AGAP1: variants seen among roughly 807,000 people sequenced by gnomAD.
AGAP1 encodes the protein arf-GAP with GTPase, ANK repeat and PH domain-containing protein 1.
In AGAP1, 29 loss-of-function variants were observed where a neutral mutation model predicts 105.3. The observed-to-expected ratio is 0.28, with a 90% CI of 0.21 to 0.38. The LOEUF (loss-of-function observed/expected upper bound fraction) is 0.38, where lower values mean the gene tolerates loss of function less well. Among genes scored for constraint, AGAP1 ranks in the 10% least tolerant of loss-of-function variants. AGAP1 has a pLI of 1.00. For synonymous variants in AGAP1, 509 were observed against 485.9 expected (o/e 1.05, Z -0.63); for missense variants, 998 against 1,165.1 (o/e 0.86, Z 2.09).
intron 11 of AGAP1, among the ~76,000 whole-genome samples, chr2:235,924,866 C>G (rs1156459911): frequency 6.6e-6 from 1 of 152,230 alleles, no homozygotes; most frequent in South Asian, 2.1e-4. Flanking sequence ...GACATTACCC[C>G]TGTTGTACCA....
chr2:235,978,024 C>T (rs536002564), intron 13 of AGAP1, among the ~76,000 whole-genome samples: 1 of 152,198 alleles, frequency 6.6e-6, no homozygotes, highest in African/African-American at 2.4e-5. Flanking sequence ...TCATGTGGCC[C>T]TTCTGTGGTG....
In AGAP1 at chr2:236,087,223, G is replaced by T. The variant is rs1576273454; in HGVS notation, c.2115-32969G>T. Among the ~76,000 whole-genome samples the T allele has an allele frequency of 6.6e-6, 1 of 152,126 alleles. No homozygotes were observed. The highest frequency in any genetic ancestry group is 2.4e-5 in the African/African-American group (1 of 41,476). ...AGGCTAATGGAGCTGTGATTGACAGGCCTTCTCATTATGGAGCCCATCAGG... is the reference window on the plus strand; with the variant it reads ...AGGCTAATGGAGCTGTGATTGACAGTCCTTCTCATTATGGAGCCCATCAGG... On this transcript the variant is annotated intron_variant, in intron 16 of 17. Coordinates refer to ENST00000304032, the MANE Select transcript of AGAP1 (RefSeq NM_001037131.3). The surrounding 1 kb of genome is among the most constrained non-coding windows in gnomAD (Gnocchi z 5.7).
rs932146511 is a variant in AGAP1, at chr2:235,753,473, G to A, written c.673+2985G>A. Among the ~76,000 whole-genome samples the A allele has an allele frequency of 2.0e-5, 3 of 152,148 alleles. No individual in the cohort carries two copies. Among genetic ancestry groups the A allele is most frequent in the African/African-American group, 4.8e-5 (2 of 41,426 alleles). ...TAATCCCAACACTTTGGGAGGCTGA[G>A]GAGGGCAGATCACCTGAGGTCCATA... On this transcript the variant is annotated intron_variant, in intron 6 of 17. Transcript: ENST00000304032. This position sits in a 1 kb window ranked among gnomAD's most constrained non-coding sequence, Gnocchi z 4.5.
rs543391738 is a variant in AGAP1, at chr2:235,609,993, A to G, written c.164-99186A>G. 2.0e-5 allele frequency among the ~76,000 whole-genome samples: 3 copies of G among 152,218 alleles called. No homozygotes were observed. The highest frequency in any genetic ancestry group is 4.4e-5 in the Non-Finnish European group (3 of 68,022). ...CTCAGGGACGGTTTGGCACTGGGCA[A>G]CAGCTCCATTTAGCTAGGGTAGGAT... On this transcript the variant is annotated intron_variant, in intron 1 of 17. Transcript: ENST00000304032. The surrounding 1 kb of genome is among the most constrained non-coding windows in gnomAD (Gnocchi z 5.1).
rs779348349 is a variant in AGAP1 at position 235,740,879 on chromosome 2, T to A, written c.311-84T>A. The A allele has an allele frequency of 4.6e-5, 72 of 1,564,580 alleles. No individual in the cohort carries two copies. Among genetic ancestry groups the A allele is most frequent in the Non-Finnish European group, 6.1e-5 (70 of 1,139,228 alleles). On this transcript the variant is annotated intron_variant, in intron 3 of 17. Coordinates refer to ENST00000304032, the MANE Select transcript of AGAP1 (RefSeq NM_001037131.3). The surrounding 1 kb of genome is among the most constrained non-coding windows in gnomAD (Gnocchi z 5.7). The stretch of plus-strand genomic sequence containing the variant: ...TCCAGGGCGACAGCCTAGGGTGTAT[T>A]TTTCCACAAGCGAAGCCCACGTCTG...
intron 16 of AGAP1, among the ~76,000 whole-genome samples, chr2:236,085,704 C>T (rs1031055159): frequency 1.3e-5 from 2 of 152,214 alleles, no homozygotes; most frequent in African/African-American, 2.4e-5. Context: ...AGGCTGAGTC[C>T]CATTGCCCAG....
Position 235,760,038 on chromosome 2 carries a change from G to A in AGAP1, c.673+9550G>A, listed in dbSNP as rs150766288. On this transcript the variant is annotated intron_variant, in intron 6 of 17. Coordinates refer to ENST00000304032, the MANE Select transcript of AGAP1 (RefSeq NM_001037131.3). ...TGTTTTACTGATGAGAGAAGCTTCT[G>A]GCACATCAACTGAGACAAAAATCTT... Among the ~76,000 whole-genome samples, 125 of 152,276 alleles carry A rather than the reference G, an allele frequency of 8.2e-4. 2 individuals carry two copies. In the East Asian group the frequency reaches 0.02, roughly 24 times the overall value.
chr2:235,831,276 A>C (rs1298533854), intron 9 of AGAP1, among the ~76,000 whole-genome samples: 1 of 151,564 alleles, frequency 6.6e-6, no homozygotes, highest in African/African-American at 2.4e-5. Context: ...AGCCTCCGCC[A>C]TTGTCCCCCA....
intron 9 of AGAP1, among the ~76,000 whole-genome samples, chr2:235,851,218 T>C (rs2048435245): frequency 6.6e-6 from 1 of 152,168 alleles, no homozygotes; most frequent in Non-Finnish European, 1.5e-5. Flanking sequence ...GAGGGCCCTG[T>C]CCAGGCTGTC....
intron 13 of AGAP1, among the ~76,000 whole-genome samples, chr2:235,995,223 C>T (rs542514828): frequency 4.0e-5 from 6 of 151,536 alleles, no homozygotes; most frequent in Non-Finnish European, 8.8e-5. Context: ...TAGTGAAAAA[C>T]CAAAGAAAAG....
chr2:235,687,742 T>C (rs1297046325), intron 1 of AGAP1, among the ~76,000 whole-genome samples: 7 of 152,142 alleles, frequency 4.6e-5, no homozygotes, highest in African/African-American at 7.2e-5. Context: ...GCCAGAGATT[T>C]ATTTAAGACA....
rs1952440808 is a variant in AGAP1 at position 235,739,340 on chromosome 2, G to A, written c.311-1623G>A. 6.6e-6 allele frequency among the ~76,000 whole-genome samples: 1 copy of A among 152,210 alleles called. No individual in the cohort carries two copies. Among genetic ancestry groups the A allele is most frequent in the African/African-American group, 2.4e-5 (1 of 41,460 alleles). ...TGATGACAACAGCTCTGCTAGAAAA[G>A]CATTTCTTTTTTGCCTACGAGGACT... On this transcript the variant is annotated intron_variant, in intron 3 of 17. Transcript: ENST00000304032. This position sits in a 1 kb window ranked among gnomAD's most constrained non-coding sequence, Gnocchi z 5.3.
chr2:235,960,970 G>A lies in AGAP1; in HGVS notation c.1484-7492G>A, dbSNP rs894900298. Reference sequence around the variant, plus strand: ...TGTGTGATACACCAGAAAGTGGTCCGTTCCATCCACCCGCGCAAGTGTCTG... The same window carrying A: ...TGTGTGATACACCAGAAAGTGGTCCATTCCATCCACCCGCGCAAGTGTCTG... On this transcript the variant is annotated intron_variant, in intron 12 of 17. Coordinates refer to ENST00000304032, the MANE Select transcript of AGAP1 (RefSeq NM_001037131.3). This position sits in a 1 kb window ranked among gnomAD's most constrained non-coding sequence, Gnocchi z 4.9. Among the ~76,000 whole-genome samples the A allele has an allele frequency of 1.1e-4, 17 of 152,180 alleles. No individual in the cohort carries two copies. The highest frequency in any genetic ancestry group is 2.2e-4 in the Non-Finnish European group (15 of 68,032).
chr2:236,084,397 A>T (rs1431375576), intron 16 of AGAP1, among the ~76,000 whole-genome samples: 1 of 152,148 alleles, frequency 6.6e-6, no homozygotes, highest in Non-Finnish European at 1.5e-5. Context: ...TGACATTCGT[A>T]CTCTACTTTT....
rs565966455 is a variant in AGAP1, at chr2:236,050,943, G to A, written c.2114+1662G>A. ...CACAGGTATTTTGTAGTTCTAATTT[G>A]CATCCTTGAATTAAGTTCTTGAGTG... On this transcript the variant is annotated intron_variant, in intron 16 of 17. Coordinates refer to ENST00000304032, the MANE Select transcript of AGAP1 (RefSeq NM_001037131.3). The surrounding 1 kb of genome is among the most constrained non-coding windows in gnomAD (Gnocchi z 4.0). 1.3e-5 allele frequency among the ~76,000 whole-genome samples: 2 copies of A among 152,258 alleles called. No homozygotes were observed. The highest frequency in any genetic ancestry group is 3.9e-4 in the East Asian group (2 of 5,186).
intron 1 of AGAP1, among the ~76,000 whole-genome samples, chr2:235,497,687 C>T (rs955152350): frequency 7.9e-5 from 12 of 152,334 alleles, no homozygotes; most frequent in East Asian, 3.9e-4. Flanking sequence ...GGCTCCGCCC[C>T]GGGTTCACGC....
chr2:235,980,218 C>T (rs1186268604), intron 13 of AGAP1, among the ~76,000 whole-genome samples: 2 of 152,214 alleles, frequency 1.3e-5, no homozygotes, highest in African/African-American at 2.4e-5. Context: ...TTATGCATGG[C>T]CCCTGTGCTC....
At chr2:235,835,832 A>G (rs1960090807) in intron 9 of AGAP1, among the ~76,000 whole-genome samples, 1 of 152,248 alleles carries the variant, frequency 6.6e-6, no homozygotes, top group African/African-American at 2.4e-5. Context: ...TTAGACAAAG[A>G]AGGCGGCTAA....
At chr2:235,722,853 C>G (rs1438846897) in intron 3 of AGAP1, among the ~76,000 whole-genome samples, 1 of 150,846 alleles carries the variant, frequency 6.6e-6, no homozygotes, top group Non-Finnish European at 1.5e-5. Flanking sequence ...TCTTGGGCCA[C>G]ACATAAAATA....
Sources: gnomAD v4.1 joint callset for allele counts (sites outside exome capture counted in the v4.1 genomes callset) on GRCh38, gnomAD v4.1.1 for gene constraint, Gnocchi (gnomAD v3.1) non-coding constraint, MANE v1.5 for transcripts, NCBI Gene and HGNC (gene_info 2026-07-23, HGNC 2026-07-21) for gene names.